The following CCDC178 variants were observed in gnomAD, a reference collection of about 807,000 sequenced individuals.
The protein encoded by CCDC178 is coiled-coil domain containing 178.
Under a neutral mutation model 117.4 loss-of-function variants are expected in CCDC178, and 126 were observed. That is an observed-to-expected ratio of 1.07 (90% CI 0.93 to 1.24). CCDC178 has a LOEUF of 1.24. CCDC178 is among the 50% of genes most tolerant of loss of function. CCDC178 has a pLI of 0.00. For missense variants in CCDC178, 1,030 were observed against 986.9 expected, an observed-to-expected ratio of 1.04 and a Z score of -0.59; for synonymous variants, 283 against 313.4, an observed-to-expected ratio of 0.90 and a Z score of 1.02.
intron 20 of CCDC178, among the ~76,000 whole-genome samples, chr18:33,103,652 A>C (rs2057662177): frequency 6.6e-6 from 1 of 151,632 alleles, no homozygotes; most frequent in African/African-American, 2.4e-5. Context: ...CTTTGTAAAG[A>C]GTAGTCAGAG....
At chr18:33,348,622 C>T (rs2062927869) in intron 8 of CCDC178, among the ~76,000 whole-genome samples, 1 of 151,812 alleles carries the variant, frequency 6.6e-6, no homozygotes. Context: ...TATTGGGCAA[C>T]ACTAAACTAC....
chr18:33,260,593 G>A (rs936309913), intron 14 of CCDC178, among the ~76,000 whole-genome samples: 10 of 150,864 alleles, frequency 6.6e-5, no homozygotes, highest in Non-Finnish European at 1.3e-4. Context: ...TGTCTTAATG[G>A]AATGTTTATT....
At chr18:33,290,574 T>C (rs907740931) in intron 12 of CCDC178, among the ~76,000 whole-genome samples, 3 of 152,064 alleles carry the variant, frequency 2.0e-5, no homozygotes, top group Non-Finnish European at 4.4e-5. Flanking sequence ...CAATCATAAT[T>C]CTAACAAAAA....
chr18:33,323,884 C>G (rs1424293768), intron 10 of CCDC178, among the ~76,000 whole-genome samples: 1 of 151,584 alleles, frequency 6.6e-6, no homozygotes, highest in Non-Finnish European at 1.5e-5. Flanking sequence ...TATCTCTTCA[C>G]TCATAAAAAA....
At chr18:33,416,476 C>G (rs2063943224) in intron 2 of CCDC178, among the ~76,000 whole-genome samples, 1 of 151,496 alleles carries the variant, frequency 6.6e-6, no homozygotes, top group African/African-American at 2.4e-5. Context: ...GAATCAGAAG[C>G]CTAGACTATA....
intron 20 of CCDC178, among the ~76,000 whole-genome samples, chr18:33,187,062 C>T (rs948609642): frequency 1.3e-5 from 2 of 148,296 alleles, no homozygotes; most frequent in African/African-American, 5.1e-5. Context: ...AAAGGGGAGA[C>T]AAGGCACATC....
chr18:33,378,827 A>G (rs2063397422), intron 5 of CCDC178, among the ~76,000 whole-genome samples: 1 of 152,040 alleles, frequency 6.6e-6, no homozygotes. Context: ...GTGCTGCTGG[A>G]TTCAGTTTGC....
intron 20 of CCDC178, among the ~76,000 whole-genome samples, chr18:33,187,766 C>T (rs2058814386): frequency 6.6e-6 from 1 of 152,092 alleles, no homozygotes; most frequent in Non-Finnish European, 1.5e-5. Context: ...GAAGAATCTC[C>T]ATTTGAGTGG....
At chr18:33,181,774 T>C (rs2058735306) in intron 20 of CCDC178, among the ~76,000 whole-genome samples, 1 of 151,914 alleles carries the variant, frequency 6.6e-6, no homozygotes, top group African/African-American at 2.4e-5. Flanking sequence ...AAATTCTGTG[T>C]TGCTATACTT....
chr18:33,429,455 G>T (rs920294920), intron 2 of CCDC178, among the ~76,000 whole-genome samples: 2 of 152,084 alleles, frequency 1.3e-5, no homozygotes, highest in African/African-American at 4.8e-5. Context: ...TTTTGCAGAA[G>T]TTATAATAAA....
intron 21 of CCDC178, among the ~76,000 whole-genome samples, chr18:33,011,508 G>A (rs551557121): frequency 5.3e-5 from 8 of 151,942 alleles, no homozygotes; most frequent in Non-Finnish European, 1.2e-4. Context: ...CCAATGGGGA[G>A]CCGAGTAATG....
intron 21 of CCDC178, among the ~76,000 whole-genome samples, chr18:33,013,554 A>T (rs1356453775): frequency 1.3e-5 from 2 of 152,196 alleles, no homozygotes; most frequent in African/African-American, 2.4e-5. Flanking sequence ...TAAGGCTATG[A>T]TTTATTTTTA....
intron 14 of CCDC178, among the ~76,000 whole-genome samples, chr18:33,251,729 T>C (rs138235422): frequency 6.7e-4 from 101 of 151,854 alleles, no homozygotes; most frequent in Middle Eastern, 3.4e-3. Context: ...GCATTTTGTA[T>C]TCATAATATT....
At chr18:33,274,290 C>T (rs1254619339) in intron 12 of CCDC178, among the ~76,000 whole-genome samples, 2 of 151,790 alleles carry the variant, frequency 1.3e-5, no homozygotes, top group Non-Finnish European at 2.9e-5. Flanking sequence ...AATTGAAACC[C>T]TTATAAATCA....
At chr18:32,945,725 T>C (rs2054331763) in intron 22 of CCDC178, among the ~76,000 whole-genome samples, 1 of 151,988 alleles carries the variant, frequency 6.6e-6, no homozygotes, top group Non-Finnish European at 1.5e-5. Context: ...CAAATTTGGG[T>C]TTTTTTGGAG....
At chr18:33,367,581 T>C (rs1296636679) in intron 6 of CCDC178, among the ~76,000 whole-genome samples, 2 of 152,030 alleles carry the variant, frequency 1.3e-5, no homozygotes, top group East Asian at 1.9e-4. Context: ...GGAAGATTTT[T>C]TTCTTATTGT....
At chr18:33,384,835 T>C (rs1365862186) in intron 5 of CCDC178, among the ~76,000 whole-genome samples, 1 of 152,126 alleles carries the variant, frequency 6.6e-6, no homozygotes. Context: ...GCCAGCGCCA[T>C]GATGACAGGA....
intron 11 of CCDC178, among the ~76,000 whole-genome samples, chr18:33,298,726 C>A (rs892811169): frequency 6.6e-6 from 1 of 151,984 alleles, no homozygotes; most frequent in Non-Finnish European, 1.5e-5. Context: ...ATCTTGTATA[C>A]AGAAAAACCT....
intron 21 of CCDC178, among the ~76,000 whole-genome samples, chr18:33,020,888 A>T (rs952428742): frequency 6.6e-6 from 1 of 152,196 alleles, no homozygotes. Flanking sequence ...TGAAAATGAC[A>T]TGTGTGTTAG....
Sources: allele counts gnomAD v4.1 joint callset (sites outside exome capture counted in the v4.1 genomes callset), GRCh38; gene constraint gnomAD v4.1.1; transcripts MANE v1.5; gene names NCBI Gene and HGNC (gene_info 2026-07-23, HGNC 2026-07-21).